SAMD13: variants seen among roughly 807,000 people sequenced by gnomAD.
SAMD13 encodes sterile alpha motif domain containing 13.
In SAMD13, 9 loss-of-function variants were observed where a neutral mutation model predicts 12.4. The ratio of observed to expected loss-of-function variants is 0.72; its 90% CI spans 0.44 to 1.26. The LOEUF (loss-of-function observed/expected upper bound fraction) is 1.26, where lower values mean the gene tolerates loss of function less well. SAMD13 is among the 50% of genes most tolerant of loss of function. The probability of loss-of-function intolerance (pLI) is 0.00; values close to 1 mark genes in which losing one functional copy is unlikely to be tolerated. For synonymous variants in SAMD13, 46 were observed against 45.4 expected (o/e 1.01, Z -0.05); for missense variants, 84 against 119.6 (o/e 0.70, Z 1.39).
intron 2 of SAMD13, among the ~76,000 whole-genome samples, chr1:84,311,513 A>C (rs893923682): frequency 1.3e-5 from 2 of 152,180 alleles, no homozygotes; most frequent in Non-Finnish European, 2.9e-5. Flanking sequence ...ACTGTCTTCT[A>C]TTTCTTTTAA....
At chr1:84,307,918 TGTTCCC>T (rs1678618137) in intron 2 of SAMD13, among the ~76,000 whole-genome samples, 3 of 152,304 alleles carry the variant, frequency 2.0e-5, no homozygotes, top group African/African-American at 7.2e-5. Context: ...CTTCAAGGTT[TGTTCCC>T]CTGCCTCAGG....
At chr1:84,334,780 A>G (rs906992468) in intron 3 of SAMD13, among the ~76,000 whole-genome samples, 21 of 152,270 alleles carry the variant, frequency 1.4e-4, no homozygotes, top group African/African-American at 4.6e-4. Flanking sequence ...GTAGTTTCAC[A>G]TAATTTCTTG....
intron 3 of SAMD13, among the ~76,000 whole-genome samples, chr1:84,347,155 C>T (rs186329183): frequency 2.0e-5 from 3 of 152,204 alleles, no homozygotes; most frequent in African/African-American, 7.2e-5. Flanking sequence ...ATTCAGATTG[C>T]GGTTTGCCTG....
intron 2 of SAMD13, among the ~76,000 whole-genome samples, chr1:84,309,196 C>A (rs562016114): frequency 6.6e-6 from 1 of 152,178 alleles, no homozygotes; most frequent in East Asian, 1.9e-4. Flanking sequence ...TTGAACCTGG[C>A]TCTTCTGACT....
At chr1:84,299,126 G>A (rs952881364), upstream of SAMD13, among the ~76,000 whole-genome samples, 3 of 152,040 alleles carry the variant, frequency 2.0e-5, no homozygotes, top group Non-Finnish European at 4.4e-5. Flanking sequence ...GGTGAGGTCG[G>A]CCCTGCCCTC....
At chr1:84,299,505 C>G (rs922780690), upstream of SAMD13, 72 of 861,060 alleles carry the variant, frequency 8.4e-5, no homozygotes, top group Non-Finnish European at 1.0e-4. Context: ...TACACACACA[C>G]CCCCACATAC....
At chr1:84,312,074 C>T (rs1271216667) in intron 2 of SAMD13, among the ~76,000 whole-genome samples, 1 of 152,036 alleles carries the variant, frequency 6.6e-6, no homozygotes, top group African/African-American at 2.4e-5. Flanking sequence ...TTGTGACATA[C>T]CTCTCTAGTC....
chr1:84,309,434 A>G (rs1678659817), intron 2 of SAMD13, among the ~76,000 whole-genome samples: 1 of 152,152 alleles, frequency 6.6e-6, no homozygotes, highest in Non-Finnish European at 1.5e-5. Context: ...GATAAATGCT[A>G]CCTTGAGAAT....
chr1:84,349,264 T>C (rs992230690), intron 3 of SAMD13, among the ~76,000 whole-genome samples: 4 of 152,244 alleles, frequency 2.6e-5, no homozygotes, highest in Admixed American at 2.6e-4. Context: ...ATTAAGTTCA[T>C]GGAAAATTCT....
intron 3 of SAMD13, among the ~76,000 whole-genome samples, chr1:84,332,354 C>G (rs7542876): frequency 0.021 from 3,145 of 152,216 alleles, 96 homozygotes; most frequent in African/African-American, 0.07. Context: ...CCCACCACTA[C>G]TGCTGTATAA....
At chr1:84,315,531 T>A (rs1678814737) in intron 2 of SAMD13, among the ~76,000 whole-genome samples, 1 of 152,168 alleles carries the variant, frequency 6.6e-6, no homozygotes, top group Non-Finnish European at 1.5e-5. Context: ...GTTCAAGGGA[T>A]CCTCCCATTT....
upstream of SAMD13, chr1:84,299,471 TC>T (rs1678393255): frequency 2.3e-6 from 1 of 435,594 alleles, no homozygotes; most frequent in Non-Finnish European, 3.7e-6. Context: ...TGGTTGCCTC[TC>T]CCCCTCACCC....
At chr1:84,314,635 G>T (rs1162378707) in intron 2 of SAMD13, among the ~76,000 whole-genome samples, 2 of 152,062 alleles carry the variant, frequency 1.3e-5, no homozygotes, top group East Asian at 3.9e-4. Context: ...GTGTGTGATG[G>T]TTCCTGGAAT....
intron 2 of SAMD13, among the ~76,000 whole-genome samples, chr1:84,314,899 C>T (rs959250244): frequency 4.6e-5 from 7 of 152,054 alleles, no homozygotes; most frequent in Non-Finnish European, 8.8e-5. Context: ...TTTCCAGATA[C>T]GTATGATAAG....
At chr1:84,332,739 C>T (rs1404922892) in intron 3 of SAMD13, among the ~76,000 whole-genome samples, 1 of 152,052 alleles carries the variant, frequency 6.6e-6, no homozygotes, top group Non-Finnish European at 1.5e-5. Context: ...TTAATTAGGT[C>T]CTATCTGTCA....
intron 3 of SAMD13, among the ~76,000 whole-genome samples, chr1:84,348,034 G>T (rs1679568876): frequency 6.6e-6 from 1 of 152,158 alleles, no homozygotes; most frequent in African/African-American, 2.4e-5. Flanking sequence ...CATAGACCAG[G>T]TAGAAGTAAT....
At chr1:84,299,950 G>A (rs1678415350), upstream of SAMD13, among the ~76,000 whole-genome samples, 1 of 152,122 alleles carries the variant, frequency 6.6e-6, no homozygotes, top group South Asian at 2.1e-4. Flanking sequence ...CTGTGGCTGT[G>A]TCTAAGGAAG....
At chr1:84,303,071 C>G (rs966195166) in intron 1 of SAMD13, 132 bp from the exon 2 acceptor site, 1 of 653,568 alleles carries the variant, frequency 1.5e-6, no homozygotes, top group Admixed American at 2.7e-5. Context: ...GCCGAGGGAA[C>G]TGGAGATTTA....
chr1:84,304,244 A>G (rs754815510), intron 2 of SAMD13: 21 of 152,216 alleles, frequency 1.4e-4, no homozygotes, highest in Non-Finnish European at 2.9e-4. Flanking sequence ...TCAGTGCCAT[A>G]CTGCCATGCT....
Sources: allele counts gnomAD v4.1 joint callset (sites outside exome capture counted in the v4.1 genomes callset), GRCh38; gene constraint gnomAD v4.1.1; transcripts MANE v1.5; gene names NCBI Gene and HGNC (gene_info 2026-07-23, HGNC 2026-07-21).